PPP2R2D: variants seen among roughly 807,000 people sequenced by gnomAD.
PPP2R2D encodes the protein protein phosphatase 2 regulatory subunit Bdelta, also known as serine/threonine-protein phosphatase 2A 55 kDa regulatory subunit B delta isoform.
Under a neutral mutation model 31.1 loss-of-function variants are expected in PPP2R2D, and 9 were observed. The ratio of observed to expected loss-of-function variants is 0.29; its 90% CI spans 0.17 to 0.51. The LOEUF is 0.51. Among genes scored for constraint, PPP2R2D ranks in the 20% least tolerant of loss-of-function variants. The probability of loss-of-function intolerance (pLI) is 0.98; values close to 1 mark genes in which losing one functional copy is unlikely to be tolerated. For missense variants in PPP2R2D, 391 were observed against 465.6 expected, an observed-to-expected ratio of 0.84 and a Z score of 1.48; for synonymous variants, 179 against 172.6, an observed-to-expected ratio of 1.04 and a Z score of -0.29.
At chr10:131,953,458 G>A (rs1289687360) in intron 8 of PPP2R2D, among the ~76,000 whole-genome samples, 1 of 120,190 alleles carries the variant, frequency 8.3e-6, no homozygotes, top group Non-Finnish European at 1.7e-5. Flanking sequence ...GCAGGTGTGC[G>A]GGGGTTCACT....
At chr10:131,920,164 GAC>G (rs1564813227) in intron 2 of PPP2R2D, among the ~76,000 whole-genome samples, 2 of 150,722 alleles carry the variant, frequency 1.3e-5, no homozygotes, top group Non-Finnish European at 2.9e-5. Context: ...TGGGTGGAAT[GAC>G]ACAGTGTTTG....
At chr10:131,923,337 T>C (rs2036030403) in intron 2 of PPP2R2D, among the ~76,000 whole-genome samples, 1 of 152,174 alleles carries the variant, frequency 6.6e-6, no homozygotes, top group African/African-American at 2.4e-5. Flanking sequence ...GGTCAAACAG[T>C]TTTCCATTTT....
At chr10:131,970,876 T>A in the PPP2R2D span, 1 of 1,614,196 alleles carries the variant, frequency 6.2e-7, no homozygotes, top group African/African-American at 1.3e-5. This position sits in a 1 kb window ranked among gnomAD's most constrained non-coding sequence, Gnocchi z 4.1. Flanking sequence ...GGGGGGAATA[T>A]TTTCCGGCCG....
chr10:131,951,826 A>G (rs1290584291), intron 8 of PPP2R2D, among the ~76,000 whole-genome samples: 7 of 152,196 alleles, frequency 4.6e-5, no homozygotes, highest in Non-Finnish European at 1.0e-4. Flanking sequence ...TCTCAAAAAA[A>G]AACAAAAAAA....
chr10:131,902,563 A>G (rs998864419), intron 2 of PPP2R2D, among the ~76,000 whole-genome samples: 5 of 152,206 alleles, frequency 3.3e-5, no homozygotes, highest in Admixed American at 6.5e-5. Context: ...GGTGCATTTT[A>G]TGTGATCTAA....
intron 2 of PPP2R2D, among the ~76,000 whole-genome samples, chr10:131,932,668 AC>A (rs1427407168): frequency 0.02 from 2,549 of 126,326 alleles, 167 homozygotes; most frequent in African/African-American, 0.092. Context: ...AAAAAAAAAA[AC>A]ACACAAAAAA....
At chr10:131,960,829 G>T (rs1189461696), downstream of PPP2R2D, among the ~76,000 whole-genome samples, 2 of 152,228 alleles carry the variant, frequency 1.3e-5, no homozygotes, top group African/African-American at 4.8e-5. Flanking sequence ...TGAGGTCAGA[G>T]CCAGCAGGAG....
the PPP2R2D span, chr10:131,968,588 A>T: frequency 6.3e-7 from 1 of 1,578,872 alleles, no homozygotes; most frequent in South Asian, 1.1e-5. Context: ...AAAAATTATC[A>T]GTAGTTAATG....
chr10:131,904,454 G>A (rs2035550966), intron 2 of PPP2R2D, among the ~76,000 whole-genome samples: 1 of 151,982 alleles, frequency 6.6e-6, no homozygotes, highest in African/African-American at 2.4e-5. Context: ...AGCTTGCAGT[G>A]AGCCGAGATC....
At position 131,937,753 on chromosome 10, in the gene PPP2R2D, G is replaced by A. The variant is rs563543885; in HGVS notation, c.199-2278G>A. Among the ~76,000 whole-genome samples, 3 of 152,322 alleles carry A rather than the reference G, an allele frequency of 2.0e-5. 1 individual carries two copies. The South Asian group carries it at 6.2e-4, about 32-fold the overall frequency. On this transcript the variant is annotated intron_variant, in intron 3 of 8. Coordinates refer to ENST00000455566, the MANE Select transcript of PPP2R2D (RefSeq NM_018461.5). ...TGGTAGATGAATGTCTTGGGCATAG[G>A]ACTAATTTAGTTATACAGATTTTTC...
intron 3 of PPP2R2D, 179 bp from the exon 4 acceptor site, chr10:131,939,852 G>A (rs1053771750): frequency 5.8e-5 from 22 of 380,976 alleles, no homozygotes; most frequent in African/African-American, 2.9e-4. Context: ...TCGAAGAGTC[G>A]GAAATCAAGT....
At chr10:131,920,208 A>G (rs200639706) in intron 2 of PPP2R2D, among the ~76,000 whole-genome samples, 143 of 76,050 alleles carry the variant, frequency 1.9e-3, no homozygotes, top group Middle Eastern at 0.027. Context: ...ATGACACAGT[A>G]TAGGGACCTC....
intron 5 of PPP2R2D, 67 bp downstream of exon 5, chr10:131,940,761 C>T (rs568793159): frequency 4.2e-6 from 3 of 708,924 alleles, no homozygotes; most frequent in East Asian, 5.3e-5. Context: ...AGTCTGCTGT[C>T]TGGAGAGTGC....
intron 2 of PPP2R2D, among the ~76,000 whole-genome samples, chr10:131,926,416 G>A (rs989419706): frequency 1.4e-4 from 21 of 152,086 alleles, no homozygotes; most frequent in Non-Finnish European, 2.5e-4. Context: ...AGTGGCTCAC[G>A]CGTGTAATTC....
chr10:131,911,963 A>C (rs1393485369), intron 2 of PPP2R2D: 4 of 152,250 alleles, frequency 2.6e-5, no homozygotes, highest in African/African-American at 4.8e-5. Flanking sequence ...TCAAGAGCAC[A>C]GAGCGGAAGT....
At chr10:131,932,466 A>G (rs528715293) in intron 2 of PPP2R2D, among the ~76,000 whole-genome samples, 1 of 152,160 alleles carries the variant, frequency 6.6e-6, no homozygotes, top group Admixed American at 6.5e-5. Context: ...CAGGAATTCG[A>G]GACAATTCTG....
chr10:131,901,047 C>CGGCGGCGGCGGCGGCGGCGGCGGCGGCGG lies in PPP2R2D; in HGVS notation c.-102_-101insGGCGGCGGCGGCGGCGGCGGCGGCGGCGG, dbSNP rs2035482348. 1 of 147,626 alleles carries CGGCGGCGGCGGCGGCGGCGGCGGCGGCGG rather than the reference C, an allele frequency of 6.8e-6. No homozygotes were observed. Among genetic ancestry groups the CGGCGGCGGCGGCGGCGGCGGCGGCGGCGG allele is most frequent in the African/African-American group, 2.6e-5 (1 of 37,764 alleles). 9.1% of individuals were successfully genotyped at this position (147,626 alleles called of 1,614,324 possible). On this transcript the variant is annotated 5_prime_UTR_variant, in exon 1 of 9. Coordinates refer to ENST00000455566, the MANE Select transcript of PPP2R2D (RefSeq NM_018461.5). ...GGCGGCGGCGGCGGCGGCGGCGGCGCCGGCGGTGGTGGCGGCCCCGGGGCT... is the reference window on the plus strand; with the variant it reads ...GGCGGCGGCGGCGGCGGCGGCGGCGCGGCGGCGGCGGCGGCGGCGGCGGCGGCGGCGGCGGTGGTGGCGGCCCCGGGGCT...
In PPP2R2D at chr10:131,901,144, C is replaced by T; in HGVS notation, c.-5C>T. Reference sequence around the variant, plus strand: ...CGGTCCCCGCCCGTCCCGCCGCCGGCTGCCATGGCAGGTGAGGGGTCTGCG... The same window carrying T: ...CGGTCCCCGCCCGTCCCGCCGCCGGTTGCCATGGCAGGTGAGGGGTCTGCG... On this transcript the variant is annotated 5_prime_UTR_variant, in exon 1 of 9. Coordinates refer to ENST00000455566, the MANE Select transcript of PPP2R2D (RefSeq NM_018461.5). 1 of 288,512 alleles carries T rather than the reference C, an allele frequency of 3.5e-6. No homozygotes were observed. 17.9% of individuals were successfully genotyped at this position (288,512 alleles called of 1,614,324 possible). A position where few individuals can be genotyped will look rare whatever the true frequency, so the allele number is the denominator to read the frequency against.
At chr10:131,962,013 G>C (rs1357108768), downstream of PPP2R2D, among the ~76,000 whole-genome samples, 4 of 152,230 alleles carry the variant, frequency 2.6e-5, no homozygotes, top group Admixed American at 2.6e-4. Flanking sequence ...AGCTGGCCAG[G>C]GGGCGGCACT....
Sources: allele counts gnomAD v4.1 joint callset (sites outside exome capture counted in the v4.1 genomes callset), GRCh38; gene constraint gnomAD v4.1.1; non-coding constraint Gnocchi (gnomAD v3.1); transcripts MANE v1.5; gene names NCBI Gene and HGNC (gene_info 2026-07-23, HGNC 2026-07-21).